The following TPST2 variants were observed in gnomAD, a reference collection of about 807,000 sequenced individuals.
TPST2 encodes tyrosylprotein sulfotransferase 2, also known as protein-tyrosine sulfotransferase 2.
TPST2 carries 16 observed loss-of-function variants against 27.8 expected under a neutral mutation model. That is an observed-to-expected ratio of 0.58 (90% CI 0.39 to 0.88). TPST2 has a LOEUF of 0.88. Among genes scored for constraint, TPST2 ranks in the 40% least tolerant of loss-of-function variants. TPST2 has a pLI of 0.00. For synonymous variants in TPST2, 229 were observed against 231.7 expected (o/e 0.99, Z 0.10); for missense variants, 464 against 543.1 (o/e 0.85, Z 1.45).
Position 26,540,977 on chromosome 22 carries a change from G to T in TPST2, c.654C>A (p.Ile218=). 6.2e-7 allele frequency: 1 copy of T among 1,614,172 alleles called. No individual in the cohort carries two copies. Among genetic ancestry groups the T allele is most frequent in the Non-Finnish European group, 8.5e-7 (1 of 1,180,030 alleles). The change falls in exon 3 of 7, where the codon ATC becomes ATA. Residue 218 remains isoleucine (I), a synonymous_variant. Coordinates refer to ENST00000338754, the MANE Select transcript of TPST2 (RefSeq NM_003595.5). ...RDCLTKWNKA[I]EVMYAQCMEV... ...CCATGCACTGGGCGTACATCACCTCGATGGCCTTGTTCCACTTGGTGAGGC... is the reference window on the plus strand; with the variant it reads ...CCATGCACTGGGCGTACATCACCTCTATGGCCTTGTTCCACTTGGTGAGGC...
chr22:26,568,209 A>C (rs1012968636), intron 1 of TPST2, among the ~76,000 whole-genome samples: 2 of 152,262 alleles, frequency 1.3e-5, no homozygotes, highest in African/African-American at 4.8e-5. Flanking sequence ...ATAAACAGAT[A>C]TATACTAAAC....
At chr22:26,578,854 T>TC (rs1927972015) in intron 1 of TPST2, among the ~76,000 whole-genome samples, 1 of 138,854 alleles carries the variant, frequency 7.2e-6, no homozygotes, top group Non-Finnish European at 1.6e-5. Context: ...TCTTTCTTTC[T>TC]TTTTTTTTTT....
chr22:26,543,234 CT>C (rs1257253505), intron 2 of TPST2: 1 of 152,182 alleles, frequency 6.6e-6, no homozygotes, highest in African/African-American at 2.4e-5. Flanking sequence ...TGATGAAGTT[CT>C]GCTGAAGAGG....
chr22:26,529,886 G>A (rs979202829), intron 5 of TPST2, among the ~76,000 whole-genome samples: 1 of 152,006 alleles, frequency 6.6e-6, no homozygotes, highest in Non-Finnish European at 1.5e-5. Context: ...AAAAATTAAT[G>A]CGATCTGAGA....
At position 26,546,091 on chromosome 22, in the gene TPST2, AG is replaced by A. The variant is rs373691859; in HGVS notation, c.-160-1417del. Among the ~76,000 whole-genome samples the A allele has an allele frequency of 2.2e-4, 33 of 151,544 alleles. 1 individual carries two copies. The South Asian group carries it at 6.7e-3, about 31-fold the overall frequency. The stretch of plus-strand genomic sequence containing the variant: ...GACCACGTCTCAAAAAAAAAAAAAA[AG>A]AAAAAAAAAACTCAGCTTTTATTAT... On this transcript the variant is annotated intron_variant, in intron 1 of 6. Transcript: ENST00000338754.
In TPST2 at chr22:26,536,364, T is replaced by C. The variant is rs368551740; in HGVS notation, c.965A>G (p.Gln322Arg). 16 of 1,610,650 alleles carry C rather than the reference T, an allele frequency of 9.9e-6. No homozygotes were observed. Among genetic ancestry groups the C allele is most frequent in the Non-Finnish European group, 1.3e-5 (15 of 1,177,136 alleles). ...DMAQIAPMLA[Q>R]LGYDPYANPP... is the part of the protein sequence containing the mutation. ...GTTTGCATAAGGGTCATAGCCGAGC[T>C]GAGCCAGCATGGGGGCGATCTGGGC... Residue 322 changes from glutamine (Q) to arginine (R), a missense_variant, in exon 4 of 7, where the codon CAG becomes CGG. Physicochemically the swap from Gln to Arg is conservative, Grantham distance 43. Coordinates refer to ENST00000338754, the MANE Select transcript of TPST2 (RefSeq NM_003595.5).
chr22:26,538,045 C>A (rs1442823112), intron 3 of TPST2, among the ~76,000 whole-genome samples: 2 of 152,122 alleles, frequency 1.3e-5, no homozygotes, highest in Admixed American at 6.5e-5. Flanking sequence ...GCTTCCCAAG[C>A]CACCTGAATG....
Position 26,541,034 on chromosome 22 carries a change from A to G in TPST2, c.597T>C (p.Ile199=), listed in dbSNP as rs1041606752. ...VHSMITRKVT[I]AGFDLSSYRD... ...GGTAGCTGCTGAGGTCAAAGCCCGC[A>G]ATGGTGACTTTGCGCGTGATCATGG... The change falls in exon 3 of 7, where the codon ATT becomes ATC. Residue 199 remains isoleucine, a synonymous_variant. Transcript: ENST00000338754. The surrounding 1 kb of genome is among the most constrained non-coding windows in gnomAD (Gnocchi z 5.9). The G allele has an allele frequency of 2.5e-6, 4 of 1,614,062 alleles. No homozygotes were observed. The highest frequency in any genetic ancestry group is 2.2e-5 in the South Asian group (2 of 91,086).
chr22:26,534,788 C>G (rs1039633322), intron 4 of TPST2, among the ~76,000 whole-genome samples: 7 of 152,034 alleles, frequency 4.6e-5, no homozygotes, highest in Non-Finnish European at 8.8e-5. Context: ...ACATGTACAA[C>G]CCACAGGCAG....
At chr22:26,560,509 A>T in intron 1 of TPST2, 1 of 820,254 alleles carries the variant, frequency 1.2e-6, no homozygotes, top group Non-Finnish European at 2.1e-6. Context: ...TGCCTCGCTG[A>T]GGAAAAATAA....
rs183732935 is a variant in TPST2, at chr22:26,532,323, C to T, written c.1092+372G>A. ...TGAGATGGAGTCTCGCTCTGTCGCT[C>T]GGGCTACAGTGCAACGGCGTGATCT... On this transcript the variant is annotated intron_variant, in intron 5 of 6. Coordinates refer to ENST00000338754, the MANE Select transcript of TPST2 (RefSeq NM_003595.5). Among the ~76,000 whole-genome samples the T allele has an allele frequency of 5.9e-5, 9 of 152,314 alleles. No homozygotes were observed. In the East Asian group the frequency reaches 1.2e-3, roughly 20 times the overall value.
At chr22:26,561,403 G>A (rs1290403517) in intron 1 of TPST2, among the ~76,000 whole-genome samples, 2 of 152,168 alleles carry the variant, frequency 1.3e-5, no homozygotes, top group Non-Finnish European at 2.9e-5. Context: ...CTGTAAATTG[G>A]CATGGAAATT....
intron 1 of TPST2, among the ~76,000 whole-genome samples, chr22:26,588,741 G>A (rs978962398): frequency 3.3e-5 from 5 of 152,132 alleles, no homozygotes; most frequent in Admixed American, 6.6e-5. Flanking sequence ...TAGATCGGAA[G>A]GAAAATGCGT....
chr22:26,532,440 C>T lies in TPST2; in HGVS notation c.1092+255G>A, dbSNP rs552767213. 9.2e-5 allele frequency among the ~76,000 whole-genome samples: 14 copies of T among 152,290 alleles called. No individual in the cohort carries two copies. In the East Asian group the frequency reaches 1.5e-3, roughly 17 times the overall value. On this transcript the variant is annotated intron_variant, in intron 5 of 6. Transcript: ENST00000338754. ...GGATTACAGGTGTGTGCCACTACGC[C>T]CGGATAATTTTTGTATTTTTAGTAG...
Position 26,528,213 on chromosome 22 carries a change from C to T in TPST2, c.*7+1G>A. 3 of 1,561,056 alleles carry T rather than the reference C, an allele frequency of 1.9e-6. No individual in the cohort carries two copies. Among genetic ancestry groups the T allele is most frequent in the Non-Finnish European group, 2.6e-6 (3 of 1,151,030 alleles). On this transcript the variant is annotated splice_donor_variant, in intron 6 of 6. Coordinates refer to ENST00000338754, the MANE Select transcript of TPST2 (RefSeq NM_003595.5). LOFTEE classifies it low-confidence loss of function (3UTR_SPLICE). ...ACCCCCAGTGAAGTCCACAGGCTTA[C>T]CTGGAAATCACGAGCTTCCTAAGTG...
chr22:26,551,490 A>G (rs1926466021), intron 1 of TPST2, among the ~76,000 whole-genome samples: 1 of 152,190 alleles, frequency 6.6e-6, no homozygotes, highest in Non-Finnish European at 1.5e-5. Flanking sequence ...GCTGGGAGGC[A>G]GGGGAGCTAG....
intron 1 of TPST2, chr22:26,550,649 G>A (rs899691371): frequency 5.1e-6 from 5 of 985,756 alleles, no homozygotes; most frequent in African/African-American, 3.5e-5. Flanking sequence ...CATCAGCCCT[G>A]CAATTCCTCC....
At chr22:26,560,748 AT>A in intron 1 of TPST2, 3 of 1,167,110 alleles carry the variant, frequency 2.6e-6, no homozygotes, top group Non-Finnish European at 3.9e-6. Flanking sequence ...CGAAAGAGAA[AT>A]GAAAACCTAT....
chr22:26,541,840 A>G lies in TPST2; in HGVS notation c.-88-122T>C, dbSNP rs1442551358. On this transcript the variant is annotated intron_variant, in intron 2 of 6. Coordinates refer to ENST00000338754, the MANE Select transcript of TPST2 (RefSeq NM_003595.5). This position sits in a 1 kb window ranked among gnomAD's most constrained non-coding sequence, Gnocchi z 5.9. The stretch of plus-strand genomic sequence containing the variant: ...GACATGAATGCAGAGGGCACCTTTC[A>G]TAAGCACTAGCTGTGTGCCTGGCAC... The G allele has an allele frequency of 1.0e-6, 1 of 996,088 alleles. No homozygotes were observed. Among genetic ancestry groups the G allele is most frequent in the Admixed American group, 3.3e-5 (1 of 30,204 alleles). 61.7% of individuals were successfully genotyped at this position (996,088 alleles called of 1,614,324 possible). A position where few individuals can be genotyped will look rare whatever the true frequency, so the allele number is the denominator to read the frequency against.
Sources: allele counts gnomAD v4.1 joint callset (sites outside exome capture counted in the v4.1 genomes callset), GRCh38; gene constraint gnomAD v4.1.1; non-coding constraint Gnocchi (gnomAD v3.1); transcripts MANE v1.5; gene names NCBI Gene and HGNC (gene_info 2026-07-23, HGNC 2026-07-21).